CD2AP: variants seen among roughly 807,000 people sequenced by gnomAD.
The protein encoded by CD2AP is CD2 associated protein.
A neutral mutation model predicts 85.1 loss-of-function variants in CD2AP; 46 were observed. That is an observed-to-expected ratio of 0.54 (90% confidence interval 0.43 to 0.69). The LOEUF is 0.69. Ranked by LOEUF, CD2AP falls within the 30% of genes least tolerant of loss-of-function variation. The probability of loss-of-function intolerance (pLI) is 0.00; values close to 1 mark genes in which losing one functional copy is unlikely to be tolerated. For missense variants in CD2AP, 769 were observed against 729.5 expected (o/e 1.05, Z -0.62); for synonymous variants, 255 against 252.9 (o/e 1.01, Z -0.08).
intron 4 of CD2AP, among the ~76,000 whole-genome samples, chr6:47,551,330 T>G (rs916240569): frequency 6.6e-6 from 1 of 152,234 alleles, no homozygotes; most frequent in African/African-American, 2.4e-5. Context: ...AGATTGATTT[T>G]GTGTCAAAAC....
intron 11 of CD2AP, among the ~76,000 whole-genome samples, chr6:47,593,805 C>G (rs529362654): frequency 6.6e-6 from 1 of 152,110 alleles, no homozygotes; most frequent in South Asian, 2.1e-4. Flanking sequence ...TTCCAAACGT[C>G]CAAGAGAATT....
intron 5 of CD2AP, among the ~76,000 whole-genome samples, chr6:47,561,155 A>T (rs562447169): frequency 1.3e-5 from 2 of 152,190 alleles, no homozygotes; most frequent in African/African-American, 4.8e-5. Context: ...TACAATTTAC[A>T]TACAGTAATT....
intron 17 of CD2AP, among the ~76,000 whole-genome samples, chr6:47,619,678 T>A (rs960950797): frequency 1.3e-5 from 2 of 152,222 alleles, no homozygotes; most frequent in African/African-American, 4.8e-5. Context: ...TAGTTTACGT[T>A]CCCACCAGCA....
chr6:47,557,482 C>G (rs1767728559), intron 5 of CD2AP, among the ~76,000 whole-genome samples: 1 of 152,038 alleles, frequency 6.6e-6, no homozygotes, highest in Non-Finnish European at 1.5e-5. Flanking sequence ...ATCTGTAATC[C>G]ATCTTGAGTT....
At chr6:47,508,015 A>G (rs942896187) in intron 2 of CD2AP, among the ~76,000 whole-genome samples, 2 of 152,202 alleles carry the variant, frequency 1.3e-5, no homozygotes, top group African/African-American at 4.8e-5. Context: ...TTTTCCATTT[A>G]TAGAGCATAG....
chr6:47,622,457 C>T (rs1769780419), intron 17 of CD2AP, among the ~76,000 whole-genome samples: 1 of 152,078 alleles, frequency 6.6e-6, no homozygotes, highest in Admixed American at 6.6e-5. Flanking sequence ...CCTATGGATC[C>T]CTGTGGTGCC....
At chr6:47,580,786 T>C in intron 9 of CD2AP, 78 bp from the exon 10 acceptor site, 1 of 935,710 alleles carries the variant, frequency 1.1e-6, no homozygotes, top group Non-Finnish European at 1.7e-6. Flanking sequence ...ATAATTTAGA[T>C]TATTACTAAT....
Position 47,524,468 on chromosome 6 carries a change from G to A in CD2AP, c.166-9134G>A, listed in dbSNP as rs1471466134. On this transcript the variant is annotated intron_variant, in intron 2 of 17. Transcript: ENST00000359314. ...CTTATTCTTAAACCCCTTCATCTAG[G>A]CCTGAAGGTGGAAATGACATTTTTT... Among the ~76,000 whole-genome samples the A allele has an allele frequency of 2.6e-5, 4 of 152,098 alleles. No homozygotes were observed. In the South Asian group the frequency reaches 6.2e-4, roughly 24 times the overall value.
intron 13 of CD2AP, 52 bp downstream of exon 13, chr6:47,599,495 A>C (rs79964938): frequency 6.7e-7 from 1 of 1,502,244 alleles, no homozygotes; most frequent in South Asian, 1.2e-5. Flanking sequence ...ATTGTCAAAG[A>C]AACTCTTTAA....
At chr6:47,529,360 C>T (rs1426514938) in intron 2 of CD2AP, among the ~76,000 whole-genome samples, 4 of 152,114 alleles carry the variant, frequency 2.6e-5, no homozygotes, top group Non-Finnish European at 5.9e-5. Context: ...CACGGGTTTT[C>T]TCTGGGTACT....
chr6:47,563,036 G>T, intron 5 of CD2AP: 1 of 315,808 alleles, frequency 3.2e-6, no homozygotes, highest in Non-Finnish European at 5.9e-6. Context: ...ATAAAACTTT[G>T]TATCACATTT....
At chr6:47,589,379 T>TACACACACACACAC (rs1554182232) in intron 11 of CD2AP, among the ~76,000 whole-genome samples, 237 of 139,438 alleles carry the variant, frequency 1.7e-3, no homozygotes, top group South Asian at 9.0e-3. Flanking sequence ...CTCTTGAATA[T>TACACACACACACAC]ACACACACAC....
At chr6:47,530,102 AT>A (rs1766833723) in intron 2 of CD2AP, among the ~76,000 whole-genome samples, 3 of 152,164 alleles carry the variant, frequency 2.0e-5, no homozygotes, top group Admixed American at 6.5e-5. Flanking sequence ...AGTCATCCCG[AT>A]TTGCCTTAAC....
intron 5 of CD2AP, chr6:47,562,886 G>A: frequency 1.4e-6 from 1 of 729,386 alleles, no homozygotes; most frequent in Non-Finnish European, 2.5e-6. Flanking sequence ...TAGGGGAATG[G>A]GTAGGCCTCT....
At chr6:47,593,778 A>G (rs1768862920) in intron 11 of CD2AP, among the ~76,000 whole-genome samples, 1 of 152,158 alleles carries the variant, frequency 6.6e-6, no homozygotes, top group Non-Finnish European at 1.5e-5. Context: ...ACATGGAATT[A>G]CCATATGACC....
intron 5 of CD2AP, among the ~76,000 whole-genome samples, chr6:47,566,603 A>T (rs941219947): frequency 6.6e-6 from 1 of 151,354 alleles, no homozygotes; most frequent in African/African-American, 2.4e-5. Flanking sequence ...CATCCTCTCA[A>T]TTCTCCCTTC....
At chr6:47,510,456 G>A (rs986520796) in intron 2 of CD2AP, among the ~76,000 whole-genome samples, 4 of 152,270 alleles carry the variant, frequency 2.6e-5, no homozygotes, top group Non-Finnish European at 4.4e-5. Flanking sequence ...AGCCTGGAGC[G>A]TGTTGTGGTG....
intron 17 of CD2AP, among the ~76,000 whole-genome samples, chr6:47,622,068 T>C (rs932924411): frequency 6.6e-6 from 1 of 152,174 alleles, no homozygotes; most frequent in Non-Finnish European, 1.5e-5. Context: ...TGGAGTTGTG[T>C]AGCTAGGAGG....
chr6:47,505,902 AC>A (rs771290790), intron 2 of CD2AP, among the ~76,000 whole-genome samples: 8 of 56,884 alleles, frequency 1.4e-4, no homozygotes, highest in South Asian at 6.6e-4. Context: ...CGGGGGGCTG[AC>A]CCCCCCCACC....
Sources: gnomAD v4.1 joint callset for allele counts (sites outside exome capture counted in the v4.1 genomes callset) on GRCh38, gnomAD v4.1.1 for gene constraint, MANE v1.5 for transcripts, NCBI Gene and HGNC (gene_info 2026-07-23, HGNC 2026-07-21) for gene names.